SLC35F1: variants seen among roughly 807,000 people sequenced by gnomAD.
SLC35F1 encodes chromosome 6 open reading frame 169.
In SLC35F1, 14 loss-of-function variants were observed where a neutral mutation model predicts 48.7. That is an observed-to-expected ratio of 0.29 (90% CI 0.19 to 0.45). SLC35F1 has a LOEUF of 0.45. Ranked by LOEUF, SLC35F1 falls within the 20% of genes least tolerant of loss-of-function variation. SLC35F1 has a pLI of 1.00. For missense variants in SLC35F1, 404 were observed against 500.0 expected, an observed-to-expected ratio of 0.81 and a Z score of 1.83; for synonymous variants, 190 against 202.2, an observed-to-expected ratio of 0.94 and a Z score of 0.51.
At chr6:118,229,426 C>T (rs1335921076) in intron 2 of SLC35F1, among the ~76,000 whole-genome samples, 1 of 152,130 alleles carries the variant, frequency 6.6e-6, no homozygotes, top group Non-Finnish European at 1.5e-5. Context: ...TATACTAGCA[C>T]TCCAGTATGA....
intron 6 of SLC35F1, among the ~76,000 whole-genome samples, chr6:118,283,752 T>G (rs1776013681): frequency 6.6e-6 from 1 of 152,224 alleles, no homozygotes; most frequent in South Asian, 2.1e-4. Context: ...AGTCATAAGT[T>G]ATGTAATACT....
chr6:118,246,080 C>T (rs904741798), intron 3 of SLC35F1, among the ~76,000 whole-genome samples: 1 of 152,150 alleles, frequency 6.6e-6, no homozygotes, highest in African/African-American at 2.4e-5. Flanking sequence ...GATACCGGGC[C>T]TGGTTCAGCC....
At chr6:117,946,775 C>G (rs918550874) in intron 1 of SLC35F1, among the ~76,000 whole-genome samples, 2 of 152,206 alleles carry the variant, frequency 1.3e-5, no homozygotes, top group African/African-American at 4.8e-5. Flanking sequence ...CCACCTGATA[C>G]TGAATTTTAA....
At chr6:118,066,126 C>T (rs1054023544) in intron 1 of SLC35F1, among the ~76,000 whole-genome samples, 7 of 152,022 alleles carry the variant, frequency 4.6e-5, no homozygotes, top group South Asian at 2.1e-4. Flanking sequence ...CAGAGAGTCA[C>T]GGACATTGCA....
At chr6:118,149,400 T>C (rs79235723) in intron 1 of SLC35F1, among the ~76,000 whole-genome samples, 1 of 152,178 alleles carries the variant, frequency 6.6e-6, no homozygotes. Context: ...CAAATGGATT[T>C]GTCCTGTGCT....
At chr6:118,309,438 A>G (rs919828675) in intron 7 of SLC35F1, among the ~76,000 whole-genome samples, 1 of 152,168 alleles carries the variant, frequency 6.6e-6, no homozygotes, top group Non-Finnish European at 1.5e-5. Flanking sequence ...GGCCCACCAT[A>G]TAGAAGTACT....
At chr6:118,131,997 A>T (rs1293749202) in intron 1 of SLC35F1, among the ~76,000 whole-genome samples, 1 of 152,156 alleles carries the variant, frequency 6.6e-6, no homozygotes. Flanking sequence ...TGTCAGGTGT[A>T]TCATCCATTC....
chr6:118,056,969 C>T (rs1772471948), intron 1 of SLC35F1, among the ~76,000 whole-genome samples: 1 of 151,830 alleles, frequency 6.6e-6, no homozygotes, highest in East Asian at 1.9e-4. Context: ...TCAGTAATAG[C>T]TGCTTAAAAA....
intron 1 of SLC35F1, among the ~76,000 whole-genome samples, chr6:118,143,364 T>G (rs1214357534): frequency 2.0e-5 from 3 of 152,170 alleles, no homozygotes; most frequent in African/African-American, 7.2e-5. Context: ...ACAGCAAAAG[T>G]AATCCTTAAA....
intron 2 of SLC35F1, among the ~76,000 whole-genome samples, chr6:118,222,848 C>T (rs1174149399): frequency 6.6e-6 from 1 of 152,212 alleles, no homozygotes; most frequent in Non-Finnish European, 1.5e-5. Flanking sequence ...CCCTAGTAGT[C>T]TTTGAGTGCC....
intron 1 of SLC35F1, among the ~76,000 whole-genome samples, chr6:118,113,864 G>C (rs1218323703): frequency 6.6e-6 from 1 of 152,158 alleles, no homozygotes; most frequent in Non-Finnish European, 1.5e-5. Context: ...TATTTAAAAA[G>C]TGTATTGTCT....
intron 1 of SLC35F1, among the ~76,000 whole-genome samples, chr6:118,120,785 C>A (rs1294542507): frequency 6.6e-6 from 1 of 152,072 alleles, no homozygotes; most frequent in East Asian, 1.9e-4. Context: ...ACAACACAAG[C>A]AGAATTAATC....
At chr6:118,069,371 A>C (rs1772665540) in intron 1 of SLC35F1, among the ~76,000 whole-genome samples, 1 of 152,200 alleles carries the variant, frequency 6.6e-6, no homozygotes, top group Non-Finnish European at 1.5e-5. Flanking sequence ...TGAAGTTTTT[A>C]ATTTGTTTTG....
At chr6:117,963,347 G>GT (rs397887556) in intron 1 of SLC35F1, among the ~76,000 whole-genome samples, 48,008 of 144,236 alleles carry the variant, frequency 0.33, 7,920 homozygotes, top group Middle Eastern at 0.41. Flanking sequence ...TTATTTTATT[G>GT]TTTTTTTTTT....
intron 1 of SLC35F1, among the ~76,000 whole-genome samples, chr6:118,100,839 A>T (rs929131565): frequency 1.3e-5 from 2 of 152,174 alleles, no homozygotes; most frequent in African/African-American, 2.4e-5. Flanking sequence ...ATCAAGTCAC[A>T]TGGTTGGTCT....
At chr6:117,949,389 C>G (rs1044368895) in intron 1 of SLC35F1, among the ~76,000 whole-genome samples, 2 of 152,100 alleles carry the variant, frequency 1.3e-5, no homozygotes, top group African/African-American at 2.4e-5. Flanking sequence ...ATTGTTTATT[C>G]CTCTCTTGGC....
At chr6:117,934,604 A>T (rs1274626694) in intron 1 of SLC35F1, among the ~76,000 whole-genome samples, 1 of 152,238 alleles carries the variant, frequency 6.6e-6, no homozygotes, top group African/African-American at 2.4e-5. Context: ...TATGAAATTC[A>T]TAAATTATTA....
chr6:118,257,492 A>G (rs971912674), intron 3 of SLC35F1, among the ~76,000 whole-genome samples: 1 of 152,204 alleles, frequency 6.6e-6, no homozygotes, highest in African/African-American at 2.4e-5. Context: ...ATCCAGGTCT[A>G]AAATTAATAC....
chr6:118,269,866 T>A (rs190451638), intron 4 of SLC35F1, among the ~76,000 whole-genome samples: 1 of 152,098 alleles, frequency 6.6e-6, no homozygotes, highest in East Asian at 1.9e-4. Context: ...TGAGACCCCA[T>A]CTCTACAGAA....
Sources: gnomAD v4.1 joint callset for allele counts (sites outside exome capture counted in the v4.1 genomes callset) on GRCh38, gnomAD v4.1.1 for gene constraint, MANE v1.5 for transcripts, NCBI Gene and HGNC (gene_info 2026-07-23, HGNC 2026-07-21) for gene names.